Variants in HECTD4 observed in about 807,000 individuals in gnomAD.
HECTD4 encodes the protein HECT domain E3 ubiquitin protein ligase 4.
HECTD4 carries 114 observed loss-of-function variants against 471.5 expected under a neutral mutation model. The observed-to-expected ratio is 0.24, with a 90% confidence interval of 0.21 to 0.28. HECTD4 has a LOEUF of 0.28. HECTD4 is among the 10% of genes least tolerant of loss of function. HECTD4 has a pLI of 1.00. For missense variants in HECTD4, 3,866 were observed against 5,651.5 expected (o/e 0.68, Z 10.13); for synonymous variants, 2,012 against 2,256.0 (o/e 0.89, Z 3.07).
rs778675627 is a variant in HECTD4, at chr12:112,183,158, T to C, written c.10888A>G (p.Thr3630Ala). Residue 3630 changes from threonine (T) to alanine (A), a missense_variant, in exon 62 of 76, where the codon ACA (threonine) becomes GCA (alanine). Thr to Ala is a moderately conservative substitution (Grantham distance 58, BLOSUM62 0). Around this residue, in one of 16 missense-constraint regions of HECTD4, gnomAD observed 715 missense variants for 1,087.6 expected, o/e 0.66. Coordinates refer to ENST00000682272, the MANE Select transcript of HECTD4 (RefSeq NM_001388303.1). The part of the protein sequence containing the change: ...DGEDELMEMS[T>A]EEILTVSVVN... ...ACAGACACGGTTAGAATCTCTTCTGTTGACATTTCCATCAATTCATCTTCA... is the reference window on the plus strand; with the variant it reads ...ACAGACACGGTTAGAATCTCTTCTGCTGACATTTCCATCAATTCATCTTCA... 6.2e-7 allele frequency: 1 copy of C among 1,613,744 alleles called. No individual in the cohort carries two copies. Among genetic ancestry groups the C allele is most frequent in the Non-Finnish European group, 8.5e-7 (1 of 1,179,614 alleles).
intron 1 of HECTD4, among the ~76,000 whole-genome samples, chr12:112,325,229 C>A (rs1157552973): frequency 6.6e-6 from 1 of 152,058 alleles, no homozygotes; most frequent in Non-Finnish European, 1.5e-5. Context: ...ATTTAGCATT[C>A]AATTTAAAAG....
At chr12:112,356,581 G>A (rs1463215011) in intron 1 of HECTD4, among the ~76,000 whole-genome samples, 2 of 152,072 alleles carry the variant, frequency 1.3e-5, no homozygotes, top group Non-Finnish European at 2.9e-5. Context: ...TGGGACTACA[G>A]GCGTGCACCA....
chr12:112,274,817 T>C, intron 10 of HECTD4, 30 bp downstream of exon 10: 1 of 1,380,330 alleles, frequency 7.2e-7, no homozygotes. Flanking sequence ...CTTGAAATTT[T>C]CCAAAGATAT....
At chr12:112,252,702 T>C in intron 22 of HECTD4, 174 bp from the exon 23 acceptor site, 1 of 754,592 alleles carries the variant, frequency 1.3e-6, no homozygotes, top group Non-Finnish European at 2.1e-6. Flanking sequence ...AACCAGTCCT[T>C]TAAGTGTCTC....
intron 1 of HECTD4, among the ~76,000 whole-genome samples, chr12:112,367,344 AAGAAAAC>A: frequency 1.4e-5 from 2 of 146,978 alleles, no homozygotes; most frequent in South Asian, 2.2e-4. Flanking sequence ...GAAAGAAAGA[AAGAAAAC>A]AAAACAAAAG....
chr12:112,167,278 C>T (rs1158752129), intron 72 of HECTD4, 39 bp downstream of exon 72: 6 of 1,546,072 alleles, frequency 3.9e-6, no homozygotes, highest in African/African-American at 2.7e-5. Context: ...GGGGAGGCCC[C>T]GGGTTCTGCA....
At chr12:112,259,544 G>GCT (rs1334962102) in intron 18 of HECTD4, among the ~76,000 whole-genome samples, 2 of 138,020 alleles carry the variant, frequency 1.4e-5, no homozygotes. Flanking sequence ...TTTTTGACAG[G>GCT]CTCTCACTCT....
Position 112,309,823 on chromosome 12 carries a change from G to A in HECTD4, c.917-154C>T, listed in dbSNP as rs1265075173. The stretch of plus-strand genomic sequence containing the variant: ...CTTCAATGTGACTTTCAGGGAAGAT[G>A]GCTTGAGCCCCCAAATCAAACATCC... On this transcript the variant is annotated intron_variant, in intron 4 of 75. Coordinates refer to ENST00000682272, the MANE Select transcript of HECTD4 (RefSeq NM_001388303.1). 3.9e-5 allele frequency among the ~76,000 whole-genome samples: 6 copies of A among 152,166 alleles called. No individual in the cohort carries two copies. The South Asian group carries it at 8.3e-4, about 21-fold the overall frequency.
chr12:112,366,897 GAAAGAA>G (rs2036571452), intron 1 of HECTD4, among the ~76,000 whole-genome samples: 5 of 145,720 alleles, frequency 3.4e-5, no homozygotes, highest in Admixed American at 1.4e-4. Context: ...AAAAAAAAAA[GAAAGAA>G]AAAGAAAAAG....
rs182182315 is a variant in HECTD4, at chr12:112,225,479, G to T, written c.6970+1164C>A. Among the ~76,000 whole-genome samples, 252 of 152,066 alleles carry T rather than the reference G, an allele frequency of 1.7e-3. 1 individual carries two copies. Among genetic ancestry groups the T allele is most frequent in the Non-Finnish European group, 3.0e-3 (207 of 68,004 alleles). ...CTTAGGGTCCAGTTATATCCTTGGG[G>T]ACAAAAGATAAATTTTCATTTAACC... On this transcript the variant is annotated intron_variant, in intron 44 of 75. Transcript: ENST00000682272.
intron 1 of HECTD4, among the ~76,000 whole-genome samples, chr12:112,344,915 T>C (rs1233373086): frequency 1.3e-5 from 2 of 150,310 alleles, no homozygotes; most frequent in African/African-American, 4.9e-5. Context: ...TGAAACTCCG[T>C]CTCAAAAAAA....
intron 1 of HECTD4, among the ~76,000 whole-genome samples, chr12:112,377,618 C>A (rs1355671599): frequency 1.3e-5 from 2 of 152,198 alleles, no homozygotes; most frequent in Non-Finnish European, 2.9e-5. Context: ...CGCCTGTAAT[C>A]TCGGCACTTT....
rs2032140411 is a variant in HECTD4, at chr12:112,193,201, G to A, written c.8956-10C>T. 8 of 1,613,322 alleles carry A rather than the reference G, an allele frequency of 5.0e-6. No homozygotes were observed. The highest frequency in any genetic ancestry group is 1.3e-5 in the African/African-American group (1 of 74,914). On this transcript the variant is annotated splice_polypyrimidine_tract_variant and intron_variant, in intron 57 of 75. Coordinates refer to ENST00000682272, the MANE Select transcript of HECTD4 (RefSeq NM_001388303.1). The surrounding 1 kb of genome is among the most constrained non-coding windows in gnomAD (Gnocchi z 5.2). Reference sequence around the variant, plus strand: ...ACTGCTCTGGTGCTGTCTGCAAAGAGACACTGAATAAGGAAAGCCACGGGC... The same window carrying A: ...ACTGCTCTGGTGCTGTCTGCAAAGAAACACTGAATAAGGAAAGCCACGGGC...
chr12:112,343,909 A>G (rs2036098116), intron 1 of HECTD4, among the ~76,000 whole-genome samples: 1 of 152,254 alleles, frequency 6.6e-6, no homozygotes, highest in Admixed American at 6.5e-5. Flanking sequence ...ATTGAGTGAA[A>G]AAAACAAGTT....
chr12:112,262,515 CAAAAAAAAA>C (rs758273849), intron 17 of HECTD4, among the ~76,000 whole-genome samples: 251 of 19,754 alleles, frequency 0.013, 2 homozygotes, highest in African/African-American at 0.028. Flanking sequence ...GACTCCATCT[CAAAAAAAAA>C]AAAAAAAAAA....
intron 32 of HECTD4, 64 bp from the exon 33 acceptor site, chr12:112,240,091 G>A (rs749260980): frequency 7.5e-5 from 115 of 1,531,434 alleles, no homozygotes; most frequent in Non-Finnish European, 1.0e-4. Flanking sequence ...CTGAGCAGGA[G>A]AGGCCTCTTG....
intron 50 of HECTD4, among the ~76,000 whole-genome samples, chr12:112,209,453 G>A (rs1261220723): frequency 6.6e-6 from 1 of 151,880 alleles, no homozygotes; most frequent in Non-Finnish European, 1.5e-5. Context: ...AGCCTCCTGA[G>A]TAGTTGGGGA....
intron 7 of HECTD4, among the ~76,000 whole-genome samples, chr12:112,291,828 C>T (rs1313063347): frequency 2.0e-5 from 3 of 151,992 alleles, no homozygotes; most frequent in Admixed American, 6.6e-5. Context: ...GCCAAGATTG[C>T]GCCACTGCAC....
rs187254440 is a variant in HECTD4, at chr12:112,212,646, G to T, written c.7470C>A (p.Asp2490Glu). 1 of 1,610,190 alleles carries T rather than the reference G, an allele frequency of 6.2e-7. No homozygotes were observed. Reference protein sequence around the residue: ...VRLDVTLSPGDVAGIGWERTE... With the variant: ...VRLDVTLSPGEVAGIGWERTE... ...TTCTCTCCCAGCCAATTCCTGCCACGTCACCTATAGCAGAGAACGGGAAGG... is the reference window on the plus strand; with the variant it reads ...TTCTCTCCCAGCCAATTCCTGCCACTTCACCTATAGCAGAGAACGGGAAGG... Residue 2490 changes from aspartate (D) to glutamate (E), a missense_variant, in exon 49 of 76, where the codon GAC becomes GAA. By Grantham distance (45) the Asp-to-Glu change is conservative (BLOSUM62 2). Coordinates refer to ENST00000682272, the MANE Select transcript of HECTD4 (RefSeq NM_001388303.1).
Sources: gnomAD v4.1 joint callset for allele counts (sites outside exome capture counted in the v4.1 genomes callset) on GRCh38, gnomAD v4.1.1 for gene constraint, gnomAD v4.1.1 regional missense constraint, Gnocchi (gnomAD v3.1) non-coding constraint, MANE v1.5 for transcripts, NCBI Gene and HGNC (gene_info 2026-07-23, HGNC 2026-07-21) for gene names.